The following NTM variants were observed in gnomAD, a reference collection of about 807,000 sequenced individuals.
NTM encodes IgLON family member 2.
A neutral mutation model predicts 42.1 loss-of-function variants in NTM; 13 were observed. That is an observed-to-expected ratio of 0.31 (90% confidence interval 0.20 to 0.49). The LOEUF is 0.49. Ranked by LOEUF, NTM falls within the 20% of genes least tolerant of loss-of-function variation. The pLI is 0.99. For synonymous variants in NTM, 187 were observed against 179.2 expected (o/e 1.04, Z -0.35); for missense variants, 373 against 452.8 (o/e 0.82, Z 1.60).
intron 1 of NTM, among the ~76,000 whole-genome samples, chr11:131,833,062 C>T (rs1328314031): frequency 6.6e-6 from 1 of 152,130 alleles, no homozygotes; most frequent in Non-Finnish European, 1.5e-5. Context: ...GTAACTAGCT[C>T]AGAAAACATT....
Position 131,642,557 on chromosome 11 carries a change from G to C in NTM, c.83-269007G>C, listed in dbSNP as rs73592219. 8.3e-3 allele frequency among the ~76,000 whole-genome samples: 1,269 copies of C among 152,300 alleles called. 15 individuals carry two copies. The highest frequency in any genetic ancestry group is 0.027 in the African/African-American group (1,113 of 41,554). The stretch of plus-strand genomic sequence containing the variant: ...GGCTGATTAGTTGTTGCCATCCTTA[G>C]AGCAGCAGGGGGCTAACCACGTTCC... On this transcript the variant is annotated intron_variant, in intron 1 of 8. Coordinates refer to ENST00000683400, the MANE Select transcript of NTM (RefSeq NM_001352005.2).
At chr11:131,982,514 G>A (rs1225105201) in intron 2 of NTM, among the ~76,000 whole-genome samples, 1 of 152,094 alleles carries the variant, frequency 6.6e-6, no homozygotes, top group Non-Finnish European at 1.5e-5. Context: ...TGGGAGAGGG[G>A]CTTCTGGCTT....
intron 1 of NTM, among the ~76,000 whole-genome samples, chr11:131,675,995 C>A (rs1381809988): frequency 2.6e-5 from 4 of 152,146 alleles, no homozygotes; most frequent in Non-Finnish European, 4.4e-5. Flanking sequence ...GGCAAGCAAA[C>A]CCCTTGGACC....
chr11:131,500,140 C>T (rs2046559633), intron 1 of NTM, among the ~76,000 whole-genome samples: 1 of 152,196 alleles, frequency 6.6e-6, no homozygotes, highest in South Asian at 2.1e-4. Context: ...CTCCAAACCC[C>T]ACAGTCCCTG....
At chr11:132,185,247 GTGTA>G (rs2078218351) in intron 3 of NTM, among the ~76,000 whole-genome samples, 1 of 152,180 alleles carries the variant, frequency 6.6e-6, no homozygotes, top group Non-Finnish European at 1.5e-5. Flanking sequence ...ACATGTGAAT[GTGTA>G]TGTCTGTGTG....
At chr11:131,452,925 A>C (rs1950592158) in intron 1 of NTM, among the ~76,000 whole-genome samples, 1 of 152,198 alleles carries the variant, frequency 6.6e-6, no homozygotes, top group African/African-American at 2.4e-5. Flanking sequence ...ATGGCTTGGC[A>C]GTCCTTTGGG....
chr11:131,990,511 A>ATG (rs140653772), intron 2 of NTM, among the ~76,000 whole-genome samples: 32 of 151,328 alleles, frequency 2.1e-4, no homozygotes, highest in South Asian at 1.7e-3. Flanking sequence ...GTGTGTTTGC[A>ATG]TGTGTGTGTG....
chr11:132,032,349 A>G (rs146640811), intron 2 of NTM, among the ~76,000 whole-genome samples: 215 of 152,032 alleles, frequency 1.4e-3, no homozygotes, highest in African/African-American at 5.0e-3. Context: ...CTCTTAGCCC[A>G]CTCTGTGGGA....
At chr11:132,169,267 G>A (rs1256713089) in intron 3 of NTM, among the ~76,000 whole-genome samples, 1 of 146,004 alleles carries the variant, frequency 6.8e-6, no homozygotes, top group Non-Finnish European at 1.5e-5. Flanking sequence ...AGAGAGGCAG[G>A]CATTCTCAAC....
chr11:131,472,645 T>C (rs1952548370), intron 1 of NTM, among the ~76,000 whole-genome samples: 1 of 152,196 alleles, frequency 6.6e-6, no homozygotes, highest in Non-Finnish European at 1.5e-5. Flanking sequence ...ACTACTTTCT[T>C]CCTGGGTAAA....
At chr11:131,524,232 G>C (rs914070155) in intron 1 of NTM, among the ~76,000 whole-genome samples, 1 of 152,146 alleles carries the variant, frequency 6.6e-6, no homozygotes, top group Non-Finnish European at 1.5e-5. Context: ...GCCCACATGG[G>C]CTCCTTCTTC....
chr11:131,634,398 A>G (rs56268791), intron 1 of NTM, among the ~76,000 whole-genome samples: 68 of 33,678 alleles, frequency 2.0e-3, no homozygotes, highest in Admixed American at 0.013. Flanking sequence ...AGCCCCCTGG[A>G]AAAAAAAAAA....
intron 1 of NTM, among the ~76,000 whole-genome samples, chr11:131,684,789 A>G (rs1319126376): frequency 6.6e-6 from 1 of 152,224 alleles, no homozygotes; most frequent in Admixed American, 6.5e-5. Flanking sequence ...CGTGCAAGAT[A>G]CAGGCTGGGC....
intron 1 of NTM, among the ~76,000 whole-genome samples, chr11:131,561,906 G>C (rs2056281700): frequency 6.6e-6 from 1 of 152,206 alleles, no homozygotes. Context: ...TCAAGAAACA[G>C]ACTGGATTTA....
intron 1 of NTM, among the ~76,000 whole-genome samples, chr11:131,391,103 T>C (rs954530689): frequency 6.6e-5 from 10 of 152,204 alleles, no homozygotes; most frequent in Non-Finnish European, 1.3e-4. Context: ...CAGGCACTGC[T>C]AAATGTTTTA....
At chr11:131,513,782 G>A (rs1042854772) in intron 1 of NTM, among the ~76,000 whole-genome samples, 4 of 152,176 alleles carry the variant, frequency 2.6e-5, no homozygotes, top group Admixed American at 6.5e-5. Flanking sequence ...GTATTGTTGT[G>A]TAAAGGTCCC....
intron 3 of NTM, among the ~76,000 whole-genome samples, chr11:132,185,344 G>A (rs907093398): frequency 9.9e-5 from 15 of 152,150 alleles, no homozygotes; most frequent in Admixed American, 8.5e-4. Context: ...CCCATAATGT[G>A]TGCCTCTTCT....
chr11:131,494,068 C>G (rs927829659), intron 1 of NTM, among the ~76,000 whole-genome samples: 2 of 152,186 alleles, frequency 1.3e-5, no homozygotes, highest in African/African-American at 4.8e-5. Flanking sequence ...TTCTCCCTCT[C>G]TAGAATGCAC....
chr11:131,750,318 T>C (rs112538049), intron 1 of NTM, among the ~76,000 whole-genome samples: 11 of 152,348 alleles, frequency 7.2e-5, no homozygotes, highest in African/African-American at 1.9e-4. Flanking sequence ...GTTATGGCCT[T>C]CAGTCACATG....
Sources: allele counts gnomAD v4.1 joint callset (sites outside exome capture counted in the v4.1 genomes callset), GRCh38; gene constraint gnomAD v4.1.1; transcripts MANE v1.5; gene names NCBI Gene and HGNC (gene_info 2026-07-23, HGNC 2026-07-21).